KCNMA1: variants seen among roughly 807,000 people sequenced by gnomAD.
KCNMA1 encodes the protein Calcium-activated potassium channel subunit alpha-1.
Under a neutral mutation model 140.0 loss-of-function variants are expected in KCNMA1, and 29 were observed. That is an observed-to-expected ratio of 0.21 (90% confidence interval 0.15 to 0.28). KCNMA1 has a LOEUF of 0.28. KCNMA1 is among the 10% of genes least tolerant of loss of function. The pLI, the probability that KCNMA1 is intolerant of heterozygous loss-of-function variation, is 1.00. For missense variants in KCNMA1, 880 were observed against 1,602.2 expected (o/e 0.55, Z 7.70); for synonymous variants, 612 against 611.9 (o/e 1.00, Z 0.00).
At chr10:77,053,709 T>C (rs1178116865) in intron 14 of KCNMA1, among the ~76,000 whole-genome samples, 4 of 152,126 alleles carry the variant, frequency 2.6e-5, no homozygotes. Context: ...TCTTCTCCCA[T>C]CAGTGATCCA....
chr10:77,586,457 TTC>T (rs947402612), intron 1 of KCNMA1: 8 of 152,214 alleles, frequency 5.3e-5, no homozygotes, highest in African/African-American at 1.9e-4. Flanking sequence ...AGGTAGTAAT[TTC>T]TGTTTCATTT....
chr10:77,283,149 G>A (rs891550267), intron 2 of KCNMA1, among the ~76,000 whole-genome samples: 1 of 152,242 alleles, frequency 6.6e-6, no homozygotes, highest in African/African-American at 2.4e-5. Flanking sequence ...TAAAGGAGAT[G>A]TTGGGTGTGT....
At chr10:76,908,227 C>T (rs1425092871) in intron 25 of KCNMA1, among the ~76,000 whole-genome samples, 3 of 152,172 alleles carry the variant, frequency 2.0e-5, no homozygotes, top group Non-Finnish European at 2.9e-5. Context: ...TCTATCATTC[C>T]TTCTGGCTTG....
At chr10:77,623,593 C>A (rs1183675758) in intron 1 of KCNMA1, among the ~76,000 whole-genome samples, 1 of 151,140 alleles carries the variant, frequency 6.6e-6, no homozygotes, top group Non-Finnish European at 1.5e-5. Context: ...ATCCCAGTTA[C>A]GTGGGAGGCT....
intron 2 of KCNMA1, among the ~76,000 whole-genome samples, chr10:77,295,137 C>G (rs1286196519): frequency 2.0e-5 from 3 of 151,244 alleles, no homozygotes; most frequent in African/African-American, 7.3e-5. Context: ...CACCTGAGGA[C>G]AGGAGTTCAA....
intron 5 of KCNMA1, among the ~76,000 whole-genome samples, chr10:77,181,281 C>T (rs531561412): frequency 1.3e-5 from 2 of 152,298 alleles, no homozygotes; most frequent in South Asian, 4.1e-4. Context: ...AAGCACAGCT[C>T]AGTGAAGAAG....
intron 19 of KCNMA1, among the ~76,000 whole-genome samples, chr10:76,984,508 T>G (rs1367700733): frequency 2.0e-5 from 3 of 152,186 alleles, no homozygotes; most frequent in Non-Finnish European, 4.4e-5. Flanking sequence ...AGAGTAACTC[T>G]TGATGAAAGA....
chr10:77,194,704 T>C (rs956116053), intron 3 of KCNMA1, among the ~76,000 whole-genome samples: 1 of 152,030 alleles, frequency 6.6e-6, no homozygotes, highest in Admixed American at 6.6e-5. Context: ...CCAACTCTTG[T>C]ACCTCTTGGC....
At chr10:77,550,813 G>A (rs2062650028) in intron 1 of KCNMA1, among the ~76,000 whole-genome samples, 1 of 152,148 alleles carries the variant, frequency 6.6e-6, no homozygotes, top group Non-Finnish European at 1.5e-5. Context: ...GGTTGTCCAG[G>A]TGGGGGGCTA....
intron 1 of KCNMA1, among the ~76,000 whole-genome samples, chr10:77,603,761 C>T (rs2083460352): frequency 6.6e-6 from 1 of 152,190 alleles, no homozygotes; most frequent in African/African-American, 2.4e-5. Flanking sequence ...TGACAGAGGA[C>T]TCTAGTCTCT....
intron 2 of KCNMA1, among the ~76,000 whole-genome samples, chr10:77,255,214 A>T (rs1435403716): frequency 6.6e-6 from 1 of 152,208 alleles, no homozygotes; most frequent in Non-Finnish European, 1.5e-5. Context: ...CATTGGAACA[A>T]TGGTGTTTGA....
At chr10:77,149,739 T>A (rs1319630617) in intron 5 of KCNMA1, 1 of 152,248 alleles carries the variant, frequency 6.6e-6, no homozygotes, top group African/African-American at 2.4e-5. Flanking sequence ...TGAATTTGAA[T>A]GGCAGGCTTT....
intron 12 of KCNMA1, 37 bp from the exon 13 acceptor site, chr10:77,079,587 CTTATG>C: frequency 7.3e-7 from 1 of 1,373,480 alleles, no homozygotes; most frequent in East Asian, 2.3e-5. Context: ...ACAGGTCTGC[CTTATG>C]CATGGTGTCT....
At position 77,273,508 on chromosome 10, in the gene KCNMA1, T is replaced by C. The variant is rs1600813152; in HGVS notation, c.541-22252A>G. On this transcript the variant is annotated intron_variant, in intron 2 of 27. Coordinates refer to ENST00000286628, the MANE Select transcript of KCNMA1 (RefSeq NM_001161352.2). ...TCCTAGAGAAACACAGATAAAAAAT[T>C]TTATAGCAACCTGAAAAGGTTTGTG... 2.0e-5 allele frequency among the ~76,000 whole-genome samples: 3 copies of C among 152,186 alleles called. No individual in the cohort carries two copies. In the East Asian group the frequency reaches 5.8e-4, roughly 29 times the overall value.
chr10:77,064,409 CTTTTA>C (rs1392753996), intron 14 of KCNMA1, among the ~76,000 whole-genome samples: 2 of 152,276 alleles, frequency 1.3e-5, no homozygotes, highest in African/African-American at 4.8e-5. Context: ...GTTTCAACTT[CTTTTA>C]TTTTATTCAG....
chr10:77,397,528 T>C (rs1349896922), intron 2 of KCNMA1, among the ~76,000 whole-genome samples: 1 of 152,224 alleles, frequency 6.6e-6, no homozygotes, highest in Non-Finnish European at 1.5e-5. Context: ...AATAAATTAC[T>C]GTTAACTATA....
At chr10:77,330,913 T>G (rs911224255) in intron 2 of KCNMA1, among the ~76,000 whole-genome samples, 3 of 152,208 alleles carry the variant, frequency 2.0e-5, no homozygotes, top group Non-Finnish European at 4.4e-5. Context: ...CATGCAATAA[T>G]GTGGGAGAGC....
chr10:77,500,234 A>G (rs1335130165), intron 1 of KCNMA1, among the ~76,000 whole-genome samples: 1 of 150,906 alleles, frequency 6.6e-6, no homozygotes, highest in Admixed American at 6.6e-5. Context: ...CACATTATAT[A>G]TAGTATTAAC....
intron 9 of KCNMA1, among the ~76,000 whole-genome samples, chr10:77,101,594 T>A (rs2097099412): frequency 6.6e-6 from 1 of 152,162 alleles, no homozygotes; most frequent in Non-Finnish European, 1.5e-5. Context: ...AAGACATTGC[T>A]GAGGGGTTCA....
Sources: allele counts gnomAD v4.1 joint callset (sites outside exome capture counted in the v4.1 genomes callset), GRCh38; gene constraint gnomAD v4.1.1; transcripts MANE v1.5; gene names NCBI Gene and HGNC (gene_info 2026-07-23, HGNC 2026-07-21).